The following SLC6A17 variants were observed in gnomAD, a reference collection of about 807,000 sequenced individuals.
The protein encoded by SLC6A17 is sodium-dependent neutral amino acid transporter SLC6A17.
SLC6A17 carries 21 observed loss-of-function variants against 64.5 expected under a neutral mutation model. That is an observed-to-expected ratio of 0.33 (90% CI 0.23 to 0.47). The LOEUF (loss-of-function observed/expected upper bound fraction) is 0.47, where lower values mean the gene tolerates loss of function less well. Ranked by LOEUF, SLC6A17 falls within the 20% of genes least tolerant of loss-of-function variation. The pLI, the probability that SLC6A17 is intolerant of heterozygous loss-of-function variation, is 1.00. For missense variants in SLC6A17, 682 were observed against 963.2 expected (o/e 0.71, Z 3.86); for synonymous variants, 372 against 399.5 (o/e 0.93, Z 0.82).
rs1392362352 is a variant in SLC6A17 at position 110,174,879 on chromosome 1, C to A, written c.672C>A (p.Asn224Lys). The change falls in exon 5 of 12, where the codon AAC (asparagine) becomes AAA (lysine). Residue 224 changes from asparagine to lysine, a missense_variant. Coordinates refer to ENST00000331565, the MANE Select transcript of SLC6A17 (RefSeq NM_001010898.4). The part of the protein sequence containing the change: ...SDSISESGGL[N>K]WKMTLCLLVA... ...CCATCTCGGAGAGTGGGGGCCTCAACTGGAAGATGACCCTGTGCCTCCTCG... is the reference window on the plus strand; with the variant it reads ...CCATCTCGGAGAGTGGGGGCCTCAAATGGAAGATGACCCTGTGCCTCCTCG... The A allele has an allele frequency of 6.2e-7, 1 of 1,614,102 alleles. No homozygotes were observed. Among genetic ancestry groups the A allele is most frequent in the South Asian group, 1.1e-5 (1 of 91,086 alleles).
chr1:110,191,986 G>A lies in SLC6A17; in HGVS notation c.879G>A (p.Leu293=). ...TTCTGCCATAGCTGGACAAGATGCT[G>A]GACCCCCAGGTGTGGCGGGAGGCAG... The part of the protein sequence containing the change: ...HMFTPKLDKM[L]DPQVWREAAT... Residue 293 remains leucine (L), a synonymous_variant, in exon 7 of 12, where the codon CTG becomes CTA. Coordinates refer to ENST00000331565, the MANE Select transcript of SLC6A17 (RefSeq NM_001010898.4). 1.2e-6 allele frequency: 2 copies of A among 1,613,950 alleles called. No individual in the cohort carries two copies. Among genetic ancestry groups the A allele is most frequent in the Non-Finnish European group, 1.7e-6 (2 of 1,179,876 alleles).
Position 110,201,915 on chromosome 1 carries a change from G to A in SLC6A17, c.*3471G>A, listed in dbSNP as rs1020070720. ...GGATCCTTCAAATAGGCCCTGAGAT[G>A]TGAGGTCTGCTGCTTCACTGGGGCC... On this transcript the variant is annotated 3_prime_UTR_variant, in exon 12 of 12. Coordinates refer to ENST00000331565, the MANE Select transcript of SLC6A17 (RefSeq NM_001010898.4). The A allele has an allele frequency of 6.5e-6, 1 of 152,712 alleles. No homozygotes were observed. Among genetic ancestry groups the A allele is most frequent in the Admixed American group, 6.5e-5 (1 of 15,284 alleles). 9.5% of individuals were successfully genotyped at this position (152,712 alleles called of 1,614,324 possible). A position where few individuals can be genotyped will look rare whatever the true frequency, so the allele number is the denominator to read the frequency against.
chr1:110,167,321 T>C (rs1656094579), intron 2 of SLC6A17, 106 bp downstream of exon 2: 2 of 1,407,252 alleles, frequency 1.4e-6, no homozygotes, highest in South Asian at 1.5e-5. Context: ...CCCTTGTAGG[T>C]TGGAGCTCAG....
intron 1 of SLC6A17, among the ~76,000 whole-genome samples, chr1:110,161,710 G>C (rs540687095): frequency 6.6e-6 from 1 of 152,320 alleles, no homozygotes; most frequent in East Asian, 1.9e-4. Flanking sequence ...CCAGGCCCAG[G>C]AGGTGGGTGC....
chr1:110,154,288 A>T (rs757318103), intron 1 of SLC6A17, among the ~76,000 whole-genome samples: 9 of 152,254 alleles, frequency 5.9e-5, no homozygotes, highest in Non-Finnish European at 1.2e-4. Context: ...CACACAGGTG[A>T]GTGGCAACTA....
rs1169542829 is a variant in SLC6A17, at chr1:110,194,895, C to T, written c.1492+124C>T. On this transcript the variant is annotated intron_variant, in intron 9 of 11. Transcript: ENST00000331565. Reference sequence around the variant, plus strand: ...CAGAAGGCTCCACCCCACACTGGGACACAGCTGGAGCCTGGCTGTGCCACT... The same window carrying T: ...CAGAAGGCTCCACCCCACACTGGGATACAGCTGGAGCCTGGCTGTGCCACT... 4 of 1,196,872 alleles carry T rather than the reference C, an allele frequency of 3.3e-6. No homozygotes were observed. The Admixed American group carries it at 5.9e-5, about 18-fold the overall frequency. The allele number at this position is 1,196,872 out of a possible 1,614,324, so 74.1% of individuals were successfully genotyped here.
chr1:110,157,236 C>G (rs1655782591), intron 1 of SLC6A17, among the ~76,000 whole-genome samples: 1 of 152,144 alleles, frequency 6.6e-6, no homozygotes, highest in South Asian at 2.1e-4. Flanking sequence ...CCTACCCTCC[C>G]TGTTTCTTCA....
At chr1:110,154,060 G>A (rs775123769) in intron 1 of SLC6A17, among the ~76,000 whole-genome samples, 12 of 152,226 alleles carry the variant, frequency 7.9e-5, no homozygotes, top group Non-Finnish European at 1.8e-4. Flanking sequence ...GCTTTTAGGA[G>A]GGGTGAGTGC....
rs535432775 is a variant in SLC6A17, at chr1:110,198,743, A to G, written c.*299A>G. On this transcript the variant is annotated 3_prime_UTR_variant, in exon 12 of 12. Transcript: ENST00000331565. ...ACCCATAAGGCCTGCTTCCCAGTCC[A>G]TGGGAGATTCCAAGTGGCCACTGCA... 7 of 314,252 alleles carry G rather than the reference A, an allele frequency of 2.2e-5. No individual in the cohort carries two copies. Among genetic ancestry groups the G allele is most frequent in the Admixed American group, 1.4e-4 (3 of 21,352 alleles). 19.5% of individuals were successfully genotyped at this position (314,252 alleles called of 1,614,324 possible).
intron 6 of SLC6A17, 23 bp from the exon 7 acceptor site, chr1:110,191,949 C>T: frequency 6.2e-7 from 1 of 1,607,694 alleles, no homozygotes. Flanking sequence ...TTTTCTTCCT[C>T]CTGCCTTGGT....
intron 6 of SLC6A17, among the ~76,000 whole-genome samples, chr1:110,181,735 G>T (rs1033251040): frequency 4.6e-5 from 7 of 152,342 alleles, no homozygotes; most frequent in Middle Eastern, 6.8e-3. Context: ...AGGCCAGGGA[G>T]CAGGCTATGT....
In SLC6A17 at chr1:110,167,008, C is replaced by T. The variant is rs1656079827; in HGVS notation, c.79C>T (p.Leu27Phe). 1 of 1,613,222 alleles carries T rather than the reference C, an allele frequency of 6.2e-7. No individual in the cohort carries two copies. Residue 27 changes from leucine to phenylalanine, a missense_variant, in exon 2 of 12, where the codon CTC becomes TTC. By Grantham distance (22) the Leu-to-Phe change is conservative (BLOSUM62 0). Transcript: ENST00000331565. ...TGAGTCCGTGGCCGACCTGCTGGCC[C>T]TCGAGGAGCCTGTGGACTATAAGCA... Reference protein sequence around the residue: ...VTESVADLLALEEPVDYKQSV... With the variant: ...VTESVADLLAFEEPVDYKQSV...
intron 6 of SLC6A17, among the ~76,000 whole-genome samples, chr1:110,186,637 T>C (rs577393691): frequency 6.6e-6 from 1 of 151,636 alleles, no homozygotes; most frequent in East Asian, 2.0e-4. Context: ...AGCTCACAAC[T>C]CATAGAAAAA....
In SLC6A17 at chr1:110,198,667, C is replaced by T; in HGVS notation, c.*223C>T. 1.4e-6 allele frequency: 1 copy of T among 696,122 alleles called. No individual in the cohort carries two copies. 43.1% of individuals were successfully genotyped at this position (696,122 alleles called of 1,614,324 possible). On this transcript the variant is annotated 3_prime_UTR_variant, in exon 12 of 12. Coordinates refer to ENST00000331565, the MANE Select transcript of SLC6A17 (RefSeq NM_001010898.4). The stretch of plus-strand genomic sequence containing the variant: ...CTGTTTCCTAATTCAGGACCCCACT[C>T]ATCTAGCCCTCCAAGAGCCTCCGCC...
chr1:110,191,734 T>C (rs372054293), intron 6 of SLC6A17, among the ~76,000 whole-genome samples: 2 of 152,332 alleles, frequency 1.3e-5, no homozygotes, highest in African/African-American at 4.8e-5. Flanking sequence ...GCACTCAGCA[T>C]TTATGTTGTC....
At position 110,192,524 on chromosome 1, in the gene SLC6A17, AG is replaced by A. The variant is rs1183796188; in HGVS notation, c.1128del (p.Tyr377ThrfsTer7). 6.2e-7 allele frequency: 1 copy of A among 1,613,294 alleles called. No individual in the cohort carries two copies. Among genetic ancestry groups the A allele is most frequent in the Non-Finnish European group, 8.5e-7 (1 of 1,179,678 alleles). On this transcript the variant is annotated frameshift_variant, in exon 8 of 12. Transcript: ENST00000331565. LOFTEE classifies it high-confidence loss of function. The surrounding 1 kb of genome is among the most constrained non-coding windows in gnomAD (Gnocchi z 4.3). ...CVVENAEKIL[G>X]YLNTNVLSRD... ...GCTGCAGGAATGCTGAGAAAATCCTAGGGTACCTTAACACCAACGTCCTGAG... is the reference window on the plus strand; with the variant it reads ...GCTGCAGGAATGCTGAGAAAATCCTAGGTACCTTAACACCAACGTCCTGAG...
At chr1:110,165,209 C>T (rs1262595847) in intron 1 of SLC6A17, among the ~76,000 whole-genome samples, 4 of 152,166 alleles carry the variant, frequency 2.6e-5, no homozygotes, top group Admixed American at 6.5e-5. Context: ...CTCTCCGTTG[C>T]GTAACTCCTA....
chr1:110,195,516 C>A, intron 9 of SLC6A17, 70 bp from the exon 10 acceptor site: 4 of 1,561,778 alleles, frequency 2.6e-6, no homozygotes, highest in Non-Finnish European at 3.5e-6. Flanking sequence ...GGCCTGGGTG[C>A]CCCCGAGACC....
At chr1:110,167,961 A>C (rs1656112133) in intron 2 of SLC6A17, among the ~76,000 whole-genome samples, 1 of 152,126 alleles carries the variant, frequency 6.6e-6, no homozygotes, top group African/African-American at 2.4e-5. Flanking sequence ...TCCGGGTAGG[A>C]GGGGCCTTCA....
Sources: allele counts gnomAD v4.1 joint callset (sites outside exome capture counted in the v4.1 genomes callset), GRCh38; gene constraint gnomAD v4.1.1; non-coding constraint Gnocchi (gnomAD v3.1); transcripts MANE v1.5; gene names NCBI Gene and HGNC (gene_info 2026-07-23, HGNC 2026-07-21).